The following SNX27 variants were observed in gnomAD, a reference collection of about 807,000 sequenced individuals.
The protein encoded by SNX27 is sorting nexin 27.
Under a neutral mutation model 71.6 loss-of-function variants are expected in SNX27, and 22 were observed. The ratio of observed to expected loss-of-function variants is 0.31; its 90% CI spans 0.22 to 0.44. The LOEUF (loss-of-function observed/expected upper bound fraction) is 0.44, where lower values mean the gene tolerates loss of function less well. Among genes scored for constraint, SNX27 ranks in the 20% least tolerant of loss-of-function variants. The probability of loss-of-function intolerance (pLI) is 1.00; values close to 1 mark genes in which losing one functional copy is unlikely to be tolerated. For missense variants in SNX27, 531 were observed against 698.6 expected, an observed-to-expected ratio of 0.76 and a Z score of 2.70; for synonymous variants, 269 against 277.2, an observed-to-expected ratio of 0.97 and a Z score of 0.29.
At chr1:151,687,824 T>C (rs915868278) in intron 8 of SNX27, among the ~76,000 whole-genome samples, 9 of 151,854 alleles carry the variant, frequency 5.9e-5, no homozygotes, top group Non-Finnish European at 1.3e-4. Context: ...GGCGGGCGCC[T>C]GTAGTCCCAG....
rs1671610898 is a variant in SNX27, at chr1:151,694,453, T to C, written c.*36T>C. 1 of 1,532,808 alleles carries C rather than the reference T, an allele frequency of 6.5e-7. No individual in the cohort carries two copies. Among genetic ancestry groups the C allele is most frequent in the Non-Finnish European group, 8.8e-7 (1 of 1,133,960 alleles). 95.0% of individuals were successfully genotyped at this position (1,532,808 alleles called of 1,614,324 possible). A position where few individuals can be genotyped will look rare whatever the true frequency, so the allele number is the denominator to read the frequency against. ...TCCCCTTCCCTTCCCTTCACCCCCA[T>C]CCTCTTACTCCTTTCATGTCCCATT... is the stretch of plus-strand genomic sequence containing the variant. On this transcript the variant is annotated 3_prime_UTR_variant, in exon 12 of 12. Transcript: ENST00000458013.
rs977219332 is a variant in SNX27 at position 151,695,607 on chromosome 1, T to TAG, written c.*1194_*1195dup. 1 of 152,040 alleles carries TAG rather than the reference T, an allele frequency of 6.6e-6. No individual in the cohort carries two copies. Among genetic ancestry groups the TAG allele is most frequent in the Admixed American group, 6.6e-5 (1 of 15,258 alleles). The allele number at this position is 152,040 out of a possible 1,614,324, so 9.4% of individuals were successfully genotyped here. A position where few individuals can be genotyped will look rare whatever the true frequency, so the allele number is the denominator to read the frequency against. On this transcript the variant is annotated 3_prime_UTR_variant, in exon 12 of 12. Transcript: ENST00000458013. ...GCTAATTCTTCTTAAAATTTTTTTG[T>TAG]AGAGACAGGGTCTCACTATGTTGCC... is the stretch of plus-strand genomic sequence containing the variant.
Position 151,665,934 on chromosome 1 carries a change from C to T in SNX27, c.908C>T (p.Ala303Val), listed in dbSNP as rs751034029. 2 of 1,598,334 alleles carry T rather than the reference C, an allele frequency of 1.3e-6. No individual in the cohort carries two copies. Among genetic ancestry groups the T allele is most frequent in the Admixed American group, 3.4e-5 (2 of 58,826 alleles). The change falls in exon 6 of 12, where the codon GCT (alanine) becomes GTT (valine). Residue 303 changes from alanine (A) to valine (V), a missense_variant and splice_region_variant. This residue lies in a region of SNX27 where 184 missense variants were observed against 289.6 expected (regional missense o/e 0.64). Coordinates refer to ENST00000458013, the MANE Select transcript of SNX27 (RefSeq NM_001330723.2). Reference protein sequence around the residue: ...KNSTTDQVYQAIAAKVGMDST... With the variant: ...KNSTTDQVYQVIAAKVGMDST... ...CCAATCTATCCTGTTTAACCTTAGG[C>T]TATCGCAGCAAAGGTTGGCATGGAC...
intron 11 of SNX27, 188 bp from the exon 12 acceptor site, chr1:151,694,182 C>A: frequency 7.4e-7 from 1 of 1,360,020 alleles, no homozygotes; most frequent in Non-Finnish European, 9.5e-7. Flanking sequence ...GACTGAACCA[C>A]GTAATTAATA....
At chr1:151,693,617 C>G (rs762461355) in intron 11 of SNX27, 134 bp downstream of exon 11, 2 of 1,613,914 alleles carry the variant, frequency 1.2e-6, no homozygotes, top group South Asian at 2.2e-5. Context: ...GACTGATTAT[C>G]TCATGTGAGC....
intron 1 of SNX27, among the ~76,000 whole-genome samples, chr1:151,625,177 G>A (rs1667865739): frequency 1.3e-5 from 2 of 152,084 alleles, no homozygotes; most frequent in African/African-American, 4.8e-5. Context: ...ACGCGCTTTT[G>A]CCCAGTGTTA....
intron 7 of SNX27, chr1:151,677,208 TGAA>T (rs1225509927): frequency 6.6e-6 from 1 of 152,194 alleles, no homozygotes; most frequent in Admixed American, 6.5e-5. Context: ...TATAGTTTAC[TGAA>T]GAAGAATCAC....
At chr1:151,682,282 T>A (rs1671002767) in intron 7 of SNX27, among the ~76,000 whole-genome samples, 1 of 152,210 alleles carries the variant, frequency 6.6e-6, no homozygotes, top group Non-Finnish European at 1.5e-5. Flanking sequence ...AGACACTACC[T>A]GAGATTAGGT....
chr1:151,648,793 T>C lies in SNX27; in HGVS notation c.544-9442T>C, dbSNP rs1401574920. Among the ~76,000 whole-genome samples the C allele has an allele frequency of 2.0e-5, 3 of 152,134 alleles. No homozygotes were observed. The East Asian group carries it at 5.8e-4, about 29-fold the overall frequency. ...CTGTCTGGCATTAGATTCCCTCTGC[T>C]TGAAGAACTTGCATTAATATTTCTT... is the stretch of plus-strand genomic sequence containing the variant. On this transcript the variant is annotated intron_variant, in intron 2 of 11. Transcript: ENST00000458013.
chr1:151,673,059 C>G (rs1027221600), intron 7 of SNX27, among the ~76,000 whole-genome samples: 12 of 151,484 alleles, frequency 7.9e-5, no homozygotes, highest in African/African-American at 2.7e-4. Context: ...TAAGATGCAT[C>G]ATTGTTTGAA....
At chr1:151,658,585 A>T (rs1364773711) in intron 3 of SNX27, among the ~76,000 whole-genome samples, 158 bp downstream of exon 3, 1 of 152,216 alleles carries the variant, frequency 6.6e-6, no homozygotes, top group Non-Finnish European at 1.5e-5. Flanking sequence ...GCAAAACTGA[A>T]ATGTCCAGTA....
chr1:151,692,537 A>G lies in SNX27; in HGVS notation c.1342A>G (p.Ile448Val). 2 of 1,612,706 alleles carry G rather than the reference A, an allele frequency of 1.2e-6. No homozygotes were observed. Among genetic ancestry groups the G allele is most frequent in the South Asian group, 1.1e-5 (1 of 91,024 alleles). ...GGGGCACGTTATCACAGCCATCAGC[A>G]TCACGCACTTTAAACTGCATGCCTG... ...RKGHVITAIS[I>V]THFKLHACTE... The change falls in exon 9 of 12, where the codon ATC becomes GTC. Residue 448 changes from isoleucine (I) to valine (V), a missense_variant. Ile to Val is a conservative substitution (Grantham distance 29, BLOSUM62 3). Coordinates refer to ENST00000458013, the MANE Select transcript of SNX27 (RefSeq NM_001330723.2).
intron 1 of SNX27, among the ~76,000 whole-genome samples, chr1:151,619,153 C>T (rs1195715467): frequency 6.6e-6 from 1 of 152,070 alleles, no homozygotes; most frequent in Non-Finnish European, 1.5e-5. Flanking sequence ...CCAGCCTGGG[C>T]AACATGGTGA....
intron 10 of SNX27, 139 bp from the exon 11 acceptor site, chr1:151,693,285 C>T: frequency 9.2e-6 from 9 of 975,460 alleles, no homozygotes; most frequent in Non-Finnish European, 1.4e-5. Context: ...TGAACCAGGC[C>T]TGGGTTTTAT....
intron 2 of SNX27, among the ~76,000 whole-genome samples, chr1:151,650,952 A>G (rs1487242995): frequency 6.6e-6 from 1 of 152,234 alleles, no homozygotes; most frequent in Non-Finnish European, 1.5e-5. Flanking sequence ...CCAAGGCAGA[A>G]GAAGTTTTCT....
chr1:151,672,198 T>C (rs1670478028), intron 7 of SNX27, among the ~76,000 whole-genome samples: 2 of 152,188 alleles, frequency 1.3e-5, no homozygotes, highest in African/African-American at 4.8e-5. Context: ...GAGGGGTTTT[T>C]ATTATGAAAG....
chr1:151,614,651 A>C (rs1050055101), intron 1 of SNX27, among the ~76,000 whole-genome samples: 2 of 152,200 alleles, frequency 1.3e-5, no homozygotes, highest in Admixed American at 1.3e-4. Context: ...TTCTTTCTAG[A>C]TAACTCAAAA....
intron 1 of SNX27, among the ~76,000 whole-genome samples, chr1:151,635,351 C>T (rs766046247): frequency 1.3e-5 from 2 of 152,156 alleles, no homozygotes; most frequent in East Asian, 1.9e-4. Flanking sequence ...CTTAAGGGCT[C>T]ATCCATTAAA....
intron 4 of SNX27, among the ~76,000 whole-genome samples, chr1:151,661,816 C>T (rs1669975834): frequency 6.6e-6 from 1 of 152,154 alleles, no homozygotes; most frequent in African/African-American, 2.4e-5. Flanking sequence ...ATCGAAACTA[C>T]TGCTTTCAGT....
Sources: allele counts gnomAD v4.1 joint callset (sites outside exome capture counted in the v4.1 genomes callset), GRCh38; gene constraint gnomAD v4.1.1; regional missense constraint gnomAD v4.1.1; transcripts MANE v1.5; gene names NCBI Gene and HGNC (gene_info 2026-07-23, HGNC 2026-07-21).